Variants in KPNA7 observed in about 807,000 individuals in gnomAD.
The protein encoded by KPNA7 is karyopherin subunit alpha 7.
KPNA7 carries 54 observed loss-of-function variants against 53.7 expected under a neutral mutation model. The observed-to-expected ratio is 1.01, with a 90% CI of 0.81 to 1.26. The LOEUF is 1.26. KPNA7 is among the 50% of genes most tolerant of loss of function. The pLI is 0.00. For synonymous variants in KPNA7, 276 were observed against 259.3 expected, an observed-to-expected ratio of 1.06 and a Z score of -0.62; for missense variants, 640 against 644.5, an observed-to-expected ratio of 0.99 and a Z score of 0.07.
At chr7:99,180,581 CCA>C (rs1193837084) in intron 9 of KPNA7, among the ~76,000 whole-genome samples, 2 of 145,906 alleles carry the variant, frequency 1.4e-5, no homozygotes, top group African/African-American at 2.6e-5. Flanking sequence ...CTGTCTCTGT[CCA>C]TCTCTCCGTC....
In KPNA7 at chr7:99,178,771, CAAAAAAAAAAAAAAAAAAAAA is replaced by C. The variant is rs756807848; in HGVS notation, c.1318-726_1318-706del. 4.7e-4 allele frequency among the ~76,000 whole-genome samples: 13 copies of C among 27,708 alleles called. No homozygotes were observed. In the East Asian group the frequency reaches 0.012, roughly 25 times the overall value. The allele number at this position is 27,708 out of a possible 152,430, so 18.2% of individuals were successfully genotyped here. A position where few individuals can be genotyped will look rare whatever the true frequency, so the allele number is the denominator to read the frequency against. ...GCATTTGGCCCAAATATCTTTGTCT[CAAAAAAAAAAAAAAAAAAAAA>C]AAAAAAAAAAAAAAGAGTCTCGCTC... On this transcript the variant is annotated intron_variant, in intron 9 of 10. Coordinates refer to ENST00000327442, the MANE Select transcript of KPNA7 (RefSeq NM_001145715.3).
At chr7:99,202,150 C>T (rs189180080) in intron 3 of KPNA7, among the ~76,000 whole-genome samples, 6 of 152,218 alleles carry the variant, frequency 3.9e-5, no homozygotes, top group Admixed American at 2.6e-4. Flanking sequence ...AATGGGAACA[C>T]ATCATTGGAC....
the KPNA7 span, among the ~76,000 whole-genome samples, chr7:99,158,094 A>G: frequency 6.6e-6 from 1 of 151,992 alleles, no homozygotes; most frequent in African/African-American, 2.4e-5. Flanking sequence ...TATGTTGCCC[A>G]CGCTGGTCTG....
Position 99,184,961 on chromosome 7 carries a change from C to T in KPNA7, c.1102G>A (p.Val368Ile), listed in dbSNP as rs770179673. 4.5e-6 allele frequency: 7 copies of T among 1,552,080 alleles called. No homozygotes were observed. The highest frequency in any genetic ancestry group is 2.4e-5 in the South Asian group (2 of 84,062). ...HHIQQLLAYD[V>I]LPPLVALLKN... Reference sequence around the variant, plus strand: ...AGCAGAGCCACCAAGGGAGGCAAGACGTCGTAGGCAAGCAGCTGCTGGATG... The same window carrying T: ...AGCAGAGCCACCAAGGGAGGCAAGATGTCGTAGGCAAGCAGCTGCTGGATG... Residue 368 changes from valine (V) to isoleucine (I), a missense_variant, in exon 8 of 11, where the codon GTC (valine) becomes ATC (isoleucine). Coordinates refer to ENST00000327442, the MANE Select transcript of KPNA7 (RefSeq NM_001145715.3).
At chr7:99,169,427 C>T (rs1189886805), downstream of KPNA7, among the ~76,000 whole-genome samples, 3 of 151,528 alleles carry the variant, frequency 2.0e-5, no homozygotes, top group Non-Finnish European at 4.4e-5. Flanking sequence ...CAAGACCAGC[C>T]TGGCCAACAT....
chr7:99,152,758 T>C, the KPNA7 span, among the ~76,000 whole-genome samples: 2 of 152,164 alleles, frequency 1.3e-5, no homozygotes, highest in Non-Finnish European at 2.9e-5. Context: ...GGTTGTCAAT[T>C]AGAGGTATAA....
At chr7:99,190,759 C>T (rs1422192904) in intron 6 of KPNA7, among the ~76,000 whole-genome samples, 3 of 151,594 alleles carry the variant, frequency 2.0e-5, no homozygotes, top group African/African-American at 4.9e-5. Flanking sequence ...GCGATCCTCT[C>T]GCCTTGCCTT....
At chr7:99,196,956 AAAC>A (rs1245074279) in intron 3 of KPNA7, among the ~76,000 whole-genome samples, 12 of 152,290 alleles carry the variant, frequency 7.9e-5, no homozygotes, top group African/African-American at 2.2e-4. Flanking sequence ...GAGTTGGGAT[AAAC>A]AACAGGCTAA....
chr7:99,210,144 A>G (rs937276621), upstream of KPNA7, among the ~76,000 whole-genome samples: 10 of 152,188 alleles, frequency 6.6e-5, no homozygotes, highest in African/African-American at 2.2e-4. Context: ...TTCACCTCCA[A>G]CAACTCTTTC....
At chr7:99,158,037 G>A in the KPNA7 span, among the ~76,000 whole-genome samples, 1 of 151,536 alleles carries the variant, frequency 6.6e-6, no homozygotes, top group South Asian at 2.1e-4. Flanking sequence ...ACAGGTACAT[G>A]CCACCACATT....
the KPNA7 span, among the ~76,000 whole-genome samples, chr7:99,149,195 G>T: frequency 6.6e-6 from 1 of 152,036 alleles, no homozygotes; most frequent in Non-Finnish European, 1.5e-5. Context: ...GAACCACCAT[G>T]CCTGGCCCCA....
At chr7:99,160,850 T>C in the KPNA7 span, among the ~76,000 whole-genome samples, 1 of 152,020 alleles carries the variant, frequency 6.6e-6, no homozygotes, top group African/African-American at 2.4e-5. Flanking sequence ...AAGGTTATCG[T>C]ATAGCAGAGT....
At chr7:99,162,820 G>A in the KPNA7 span, among the ~76,000 whole-genome samples, 3 of 151,812 alleles carry the variant, frequency 2.0e-5, no homozygotes, top group Non-Finnish European at 4.4e-5. Flanking sequence ...TACAATCTAC[G>A]AATAGGGGGA....
In KPNA7 at chr7:99,203,113, C is replaced by T. The variant is rs979984416; in HGVS notation, c.194G>A (p.Gly65Glu). The T allele has an allele frequency of 5.8e-6, 9 of 1,551,550 alleles. No individual in the cohort carries two copies. The highest frequency in any genetic ancestry group is 1.4e-5 in the African/African-American group (1 of 73,032). The change falls in exon 3 of 11, where the codon GGG becomes GAG. Residue 65 changes from glycine to glutamate, a missense_variant. Gly to Glu is a moderately conservative substitution (Grantham distance 98, BLOSUM62 -2). Coordinates refer to ENST00000327442, the MANE Select transcript of KPNA7 (RefSeq NM_001145715.3). The part of the protein sequence containing the change: ...PDTPSEKTAK[G>E]VAVSLTLGEI... ...TAAACACTACATACTGACCGCCACC[C>T]CTTTGGCTGTTTTTTCAGAAGGTGT...
upstream of KPNA7, among the ~76,000 whole-genome samples, chr7:99,208,722 C>T (rs1790944274): frequency 6.6e-6 from 1 of 152,192 alleles, no homozygotes; most frequent in Admixed American, 6.5e-5. Context: ...CATCACCACA[C>T]CAGCTCAGTA....
chr7:99,159,575 G>A, the KPNA7 span, among the ~76,000 whole-genome samples: 2 of 152,034 alleles, frequency 1.3e-5, no homozygotes, highest in Admixed American at 1.3e-4. Context: ...TCCACCCCAT[G>A]TGTGTATCTG....
chr7:99,194,885 G>T (rs762067061), intron 5 of KPNA7, among the ~76,000 whole-genome samples, 185 bp downstream of exon 5: 10 of 152,074 alleles, frequency 6.6e-5, no homozygotes, highest in Admixed American at 1.3e-4. Context: ...GATTACAGAC[G>T]TGAGCCACCG....
the KPNA7 span, among the ~76,000 whole-genome samples, chr7:99,156,840 T>G: frequency 6.6e-6 from 1 of 152,046 alleles, no homozygotes; most frequent in African/African-American, 2.4e-5. Flanking sequence ...TCTGATAAAT[T>G]TTCTTCTAGG....
intron 2 of KPNA7, among the ~76,000 whole-genome samples, chr7:99,205,540 C>T (rs1477044483): frequency 6.6e-6 from 1 of 151,538 alleles, no homozygotes; most frequent in South Asian, 2.1e-4. Context: ...TAAACTTATA[C>T]GATGCCAGTC....
Sources: allele counts gnomAD v4.1 joint callset (sites outside exome capture counted in the v4.1 genomes callset), GRCh38; gene constraint gnomAD v4.1.1; transcripts MANE v1.5; gene names NCBI Gene and HGNC (gene_info 2026-07-23, HGNC 2026-07-21).